Variants in SLC2A5 observed in about 807,000 individuals in gnomAD.
The protein encoded by SLC2A5 is solute carrier family 2, facilitated glucose transporter member 5.
A neutral mutation model predicts 50.3 loss-of-function variants in SLC2A5; 56 were observed. The observed-to-expected ratio is 1.11, with a 90% CI of 0.90 to 1.39. SLC2A5 has a LOEUF of 1.39. Ranked by LOEUF, SLC2A5 falls within the 40% of genes most tolerant of loss-of-function variation. The pLI is 0.00. For missense variants in SLC2A5, 566 were observed against 650.1 expected, an observed-to-expected ratio of 0.87 and a Z score of 1.41; for synonymous variants, 269 against 281.9, an observed-to-expected ratio of 0.95 and a Z score of 0.46.
chr1:9,070,086 T>G (rs1444130669), upstream of SLC2A5, among the ~76,000 whole-genome samples: 3 of 138,070 alleles, frequency 2.2e-5, no homozygotes, highest in East Asian at 2.1e-4. Flanking sequence ...TTTTTTTTTT[T>G]TTTTTTTTTT....
intron 1 of SLC2A5, among the ~76,000 whole-genome samples, chr1:9,059,430 A>C (rs556534918): frequency 6.6e-6 from 1 of 151,492 alleles, no homozygotes; most frequent in African/African-American, 2.4e-5. Context: ...GGCGTGAGCC[A>C]CCACGCCTGG....
chr1:9,051,966 G>A lies in SLC2A5; in HGVS notation c.294-4232C>T, dbSNP rs1569863000. On this transcript the variant is annotated intron_variant, in intron 3 of 11. Transcript: ENST00000377424. ...TATTCAAGCCATGAAAAGACATGGAGAAGCCTTCAGTACATATTAGTAAAA... is the reference window on the plus strand; with the variant it reads ...TATTCAAGCCATGAAAAGACATGGAAAAGCCTTCAGTACATATTAGTAAAA... Among the ~76,000 whole-genome samples, 3 of 152,100 alleles carry A rather than the reference G, an allele frequency of 2.0e-5. No homozygotes were observed. In the South Asian group the frequency reaches 6.2e-4, roughly 32 times the overall value.
chr1:9,077,444 A>T lies in SLC2A5; in HGVS notation c.-59+7570T>A, dbSNP rs1262708355. Among the ~76,000 whole-genome samples the T allele has an allele frequency of 3.4e-5, 5 of 146,096 alleles. No individual in the cohort carries two copies. The South Asian group carries it at 8.7e-4, about 25-fold the overall frequency. ...AAAAAGAACACAAAAAAACAAAAAA[A>T]AAACCCCCAGAAAAGTCTGGACGCA... On this transcript the variant is annotated intron_variant, in intron 2 of 5. Transcript: ENST00000464985.
chr1:9,088,328 C>G (rs183690360), intron 1 of SLC2A5: 1 of 152,564 alleles, frequency 6.6e-6, no homozygotes, highest in Non-Finnish European at 1.5e-5. Flanking sequence ...TGCTCCCAAG[C>G]CTTTACCACC....
Position 9,039,672 on chromosome 1 carries a change from A to G in SLC2A5, c.886-10T>C. 1 of 1,527,286 alleles carries G rather than the reference A, an allele frequency of 6.5e-7. No individual in the cohort carries two copies. The highest frequency in any genetic ancestry group is 2.0e-5 in the Admixed American group (1 of 48,958). 94.6% of individuals were successfully genotyped at this position (1,527,286 alleles called of 1,614,324 possible). On this transcript the variant is annotated splice_polypyrimidine_tract_variant and intron_variant, in intron 7 of 11. Transcript: ENST00000377424. ...CCGCGTAGTAGTAGATCTGCAAGGC[A>G]AGCGCGGGGCTGGGCGGCTGCCCGG...
chr1:9,071,609 G>A (rs1336055951), upstream of SLC2A5: 2 of 152,254 alleles, frequency 1.3e-5, no homozygotes, highest in African/African-American at 2.4e-5. Context: ...CCGGGGAAGC[G>A]GGGACAGTGA....
At chr1:9,078,851 C>T (rs1270789480) in intron 2 of SLC2A5, among the ~76,000 whole-genome samples, 1 of 152,196 alleles carries the variant, frequency 6.6e-6, no homozygotes, top group African/African-American at 2.4e-5. Context: ...CACTGCTCAG[C>T]TGTTTTTCTT....
intron 8 of SLC2A5, 56 bp from the exon 9 acceptor site, chr1:9,038,985 C>T: frequency 6.3e-7 from 1 of 1,576,284 alleles, no homozygotes; most frequent in South Asian, 1.2e-5. Flanking sequence ...CTCCCTCCAG[C>T]CCCCTCCAAT....
At position 9,041,893 on chromosome 1, in the gene SLC2A5, G is replaced by T. The variant is rs1189093022; in HGVS notation, c.463C>A (p.Pro155Thr). The T allele has an allele frequency of 6.2e-7, 1 of 1,613,818 alleles. No individual in the cohort carries two copies. Residue 155 changes from proline to threonine, a missense_variant, in exon 5 of 12, where the codon CCT becomes ACT. Physicochemically the swap from Pro to Thr is conservative, Grantham distance 38. Transcript: ENST00000377424. ...VVPMYLGELAPKNLRGALGVV... is the reference protein window; with the variant it reads ...VVPMYLGELATKNLRGALGVV... ...CCGAGAGCCCCCCGCAGGTTTTTAGGGGCCAGCTCCCCTAAGTACATGGGG... is the reference window on the plus strand; with the variant it reads ...CCGAGAGCCCCCCGCAGGTTTTTAGTGGCCAGCTCCCCTAAGTACATGGGG...
upstream of SLC2A5, chr1:9,069,755 T>G: frequency 1.7e-6 from 1 of 591,592 alleles, no homozygotes; most frequent in Non-Finnish European, 3.0e-6. Flanking sequence ...GCTAAGTAAG[T>G]GGGTGCCCCC....
intron 3 of SLC2A5, among the ~76,000 whole-genome samples, chr1:9,053,295 ATATTATATATTTATATATTGTATT>A (rs1467328311): frequency 1.6e-5 from 1 of 64,274 alleles, no homozygotes; most frequent in Non-Finnish European, 2.6e-5. Flanking sequence ...TTGTATATTT[ATATTATATATTTATATATTGTATT>A]TATATATTAT....
intron 1 of SLC2A5, among the ~76,000 whole-genome samples, chr1:9,061,723 G>A (rs765617): frequency 0.33 from 50,760 of 152,046 alleles, 8,848 homozygotes; most frequent in African/African-American, 0.44. Flanking sequence ...AGTGCCCTAA[G>A]GTTTGAAGTC....
chr1:9,091,758 G>A (rs751920726), upstream of SLC2A5, among the ~76,000 whole-genome samples: 2 of 151,932 alleles, frequency 1.3e-5, no homozygotes, highest in Admixed American at 6.6e-5. Context: ...AGATGGGAGC[G>A]CATCAAAAAA....
upstream of SLC2A5, among the ~76,000 whole-genome samples, chr1:9,071,334 C>T (rs982724972): frequency 1.3e-5 from 2 of 152,124 alleles, no homozygotes; most frequent in Non-Finnish European, 2.9e-5. Flanking sequence ...AGCTGGAACC[C>T]GGGAGGCGGA....
chr1:9,051,168 G>C (rs1004557424), intron 3 of SLC2A5, among the ~76,000 whole-genome samples: 2 of 149,186 alleles, frequency 1.3e-5, no homozygotes, highest in African/African-American at 5.0e-5. Context: ...TCACAATAAA[G>C]CTTTATTGCA....
At position 9,040,297 on chromosome 1, in the gene SLC2A5, G is replaced by A. The variant is rs112355848; in HGVS notation, c.572-108C>T. 83 of 1,340,236 alleles carry A rather than the reference G, an allele frequency of 6.2e-5. 3 individuals carry two copies. In the African/African-American group the frequency reaches 1.1e-3, roughly 18 times the overall value. 83.0% of individuals were successfully genotyped at this position (1,340,236 alleles called of 1,614,324 possible). A position where few individuals can be genotyped will look rare whatever the true frequency, so the allele number is the denominator to read the frequency against. On this transcript the variant is annotated intron_variant, in intron 5 of 11. Transcript: ENST00000377424. The surrounding 1 kb of genome is among the most constrained non-coding windows in gnomAD (Gnocchi z 4.3). ...CATCCTGAGTGGGGTGCAGGCTCCA[G>A]GAGGGCACAGCTTTCCCAGCCCTAA... is the stretch of plus-strand genomic sequence containing the variant.
Position 9,037,552 on chromosome 1 carries a change from T to TG in SLC2A5, c.*33dup. ...AAAATAAGCCAAAGTGGGAAGCCCC[T>TG]GGCAGACCAGCTCCACTGGCTTCCT... On this transcript the variant is annotated 3_prime_UTR_variant, in exon 12 of 12. Coordinates refer to ENST00000377424, the MANE Select transcript of SLC2A5 (RefSeq NM_003039.3). 1 of 1,576,946 alleles carries TG rather than the reference T, an allele frequency of 6.3e-7. No homozygotes were observed. Among genetic ancestry groups the TG allele is most frequent in the Non-Finnish European group, 8.7e-7 (1 of 1,151,154 alleles).
rs529431920 is a variant in SLC2A5 at position 9,037,261 on chromosome 1, C to T, written c.*325G>A. The T allele has an allele frequency of 3.1e-6, 1 of 326,992 alleles. No individual in the cohort carries two copies. Among genetic ancestry groups the T allele is most frequent in the African/African-American group, 2.1e-5 (1 of 47,214 alleles). 20.3% of individuals were successfully genotyped at this position (326,992 alleles called of 1,614,324 possible). On this transcript the variant is annotated 3_prime_UTR_variant, in exon 12 of 12. Transcript: ENST00000377424. ...TATAGTAACTGTTGTTGTTATGTTA[C>T]CAGGAGCCACACAAAGGTTGACCCA... is the stretch of plus-strand genomic sequence containing the variant.
Position 9,069,635 on chromosome 1 carries a change from T to G in SLC2A5, c.-99A>C. 3 of 1,362,588 alleles carry G rather than the reference T, an allele frequency of 2.2e-6. No individual in the cohort carries two copies. Among genetic ancestry groups the G allele is most frequent in the Non-Finnish European group, 2.1e-6 (2 of 958,754 alleles). The allele number at this position is 1,362,588 out of a possible 1,614,324, so 84.4% of individuals were successfully genotyped here. A position where few individuals can be genotyped will look rare whatever the true frequency, so the allele number is the denominator to read the frequency against. ...AGACATTCTGGGTGCACTTTGGCCA[T>G]GCCAAATAACAGCCAATAGCATTTT... On this transcript the variant is annotated 5_prime_UTR_variant, in exon 1 of 12. The change abolishes an upstream ATG in the 5' untranslated region. Coordinates refer to ENST00000377424, the MANE Select transcript of SLC2A5 (RefSeq NM_003039.3).
Sources: gnomAD v4.1 joint callset for allele counts (sites outside exome capture counted in the v4.1 genomes callset) on GRCh38, gnomAD v4.1.1 for gene constraint, Gnocchi (gnomAD v3.1) non-coding constraint, MANE v1.5 for transcripts, NCBI Gene and HGNC (gene_info 2026-07-23, HGNC 2026-07-21) for gene names.